NLGN1: variants seen among roughly 807,000 people sequenced by gnomAD.
NLGN1 encodes neuroligin 1.
A neutral mutation model predicts 65.5 loss-of-function variants in NLGN1; 12 were observed. That is an observed-to-expected ratio of 0.18 (90% confidence interval 0.12 to 0.30). The LOEUF is 0.30. Among genes scored for constraint, NLGN1 ranks in the 10% least tolerant of loss-of-function variants. The probability of loss-of-function intolerance (pLI) is 1.00; values close to 1 mark genes in which losing one functional copy is unlikely to be tolerated. For synonymous variants in NLGN1, 350 were observed against 359.5 expected, an observed-to-expected ratio of 0.97 and a Z score of 0.30; for missense variants, 750 against 1,007.1, an observed-to-expected ratio of 0.74 and a Z score of 3.46.
intron 4 of NLGN1, among the ~76,000 whole-genome samples, chr3:173,919,331 CTGT>C (rs1741458057): frequency 6.6e-6 from 1 of 152,154 alleles, no homozygotes; most frequent in African/African-American, 2.4e-5. Flanking sequence ...TTCAAGTTTA[CTGT>C]TGTTCATATT....
At chr3:173,771,342 T>C (rs780115230) in intron 3 of NLGN1, among the ~76,000 whole-genome samples, 3 of 152,216 alleles carry the variant, frequency 2.0e-5, no homozygotes, top group Non-Finnish European at 4.4e-5. Flanking sequence ...GTATTATTTT[T>C]GTGACTCATC....
At chr3:173,654,699 A>G (rs1280301330) in intron 3 of NLGN1, among the ~76,000 whole-genome samples, 1 of 152,198 alleles carries the variant, frequency 6.6e-6, no homozygotes, top group Admixed American at 6.5e-5. Flanking sequence ...TTGAAGAATT[A>G]TGTATACATT....
At chr3:174,228,500 T>C (rs960809841) in intron 4 of NLGN1, among the ~76,000 whole-genome samples, 1 of 152,134 alleles carries the variant, frequency 6.6e-6, no homozygotes, top group Non-Finnish European at 1.5e-5. Context: ...ATCAGTGTAT[T>C]TTCTGTACTG....
chr3:174,281,721 T>G (rs1385574948), exon 7 of NLGN1: 1 of 164,086 alleles, frequency 6.1e-6, no homozygotes, highest in African/African-American at 2.4e-5. Flanking sequence ...TTGGAGCCGT[T>G]TTATTGTGTA....
At chr3:173,680,663 A>G (rs1577918374) in intron 3 of NLGN1, among the ~76,000 whole-genome samples, 1 of 152,202 alleles carries the variant, frequency 6.6e-6, no homozygotes, top group Admixed American at 6.5e-5. Flanking sequence ...GACAATGATG[A>G]TATTTCTGCA....
At chr3:173,545,569 C>CCCCA (rs1346998535) in intron 2 of NLGN1, among the ~76,000 whole-genome samples, 1 of 151,964 alleles carries the variant, frequency 6.6e-6, no homozygotes, top group Non-Finnish European at 1.5e-5. Context: ...AGGGTAATGG[C>CCCCA]CCCACCATCC....
rs1781457228 is a variant in NLGN1, at chr3:173,783,262, G to A, written c.494-24418G>A. Among the ~76,000 whole-genome samples, 3 of 152,136 alleles carry A rather than the reference G, an allele frequency of 2.0e-5. No individual in the cohort carries two copies. The South Asian group carries it at 6.2e-4, about 32-fold the overall frequency. ...ATTAAAAAGAGACCATTACATTTGA[G>A]AAAAACATTCAAAAATCCATAGTTG... On this transcript the variant is annotated intron_variant, in intron 3 of 6. Coordinates refer to ENST00000457714, the Ensembl canonical transcript of NLGN1.
intron 2 of NLGN1, among the ~76,000 whole-genome samples, chr3:173,563,670 T>G (rs1743151570): frequency 6.6e-6 from 1 of 152,056 alleles, no homozygotes; most frequent in Non-Finnish European, 1.5e-5. Flanking sequence ...TTAGAGTCAT[T>G]CTTGGGTCAT....
intron 4 of NLGN1, among the ~76,000 whole-genome samples, chr3:174,060,419 A>G (rs894815864): frequency 1.3e-5 from 2 of 152,004 alleles, no homozygotes; most frequent in Non-Finnish European, 2.9e-5. Context: ...AAACTGTGAA[A>G]AGAAGAACCA....
chr3:173,917,966 G>C (rs535211848), intron 4 of NLGN1, among the ~76,000 whole-genome samples: 105 of 152,046 alleles, frequency 6.9e-4, no homozygotes, highest in Non-Finnish European at 1.4e-3. Context: ...TTGTCCATTT[G>C]TAAGTTAAAC....
At chr3:173,999,536 A>G (rs561685841) in intron 4 of NLGN1, among the ~76,000 whole-genome samples, 2 of 152,300 alleles carry the variant, frequency 1.3e-5, no homozygotes, top group East Asian at 1.9e-4. Context: ...GACTTAGATG[A>G]TACAAATAAT....
At chr3:173,836,205 A>G (rs950802734) in intron 4 of NLGN1, among the ~76,000 whole-genome samples, 3 of 152,306 alleles carry the variant, frequency 2.0e-5, no homozygotes, top group South Asian at 4.1e-4. Context: ...CCCTAACTTT[A>G]TGATGCCTAG....
At chr3:173,975,104 T>C (rs1470831052) in intron 4 of NLGN1, among the ~76,000 whole-genome samples, 1 of 152,042 alleles carries the variant, frequency 6.6e-6, no homozygotes, top group Non-Finnish European at 1.5e-5. Context: ...ATCGTGGAAA[T>C]GGATTGTAAC....
chr3:173,996,446 C>T (rs374942236), intron 4 of NLGN1, among the ~76,000 whole-genome samples: 8 of 152,070 alleles, frequency 5.3e-5, no homozygotes, highest in African/African-American at 1.9e-4. Flanking sequence ...CAGTAAGTTA[C>T]GATTTGGTGC....
intron 3 of NLGN1, among the ~76,000 whole-genome samples, chr3:173,728,601 A>T (rs969145462): frequency 6.6e-6 from 1 of 152,116 alleles, no homozygotes; most frequent in African/African-American, 2.4e-5. Flanking sequence ...CTTAGTTCAG[A>T]TGAGTCATGC....
chr3:173,933,437 G>A (rs996526633), intron 4 of NLGN1, among the ~76,000 whole-genome samples: 2 of 152,152 alleles, frequency 1.3e-5, no homozygotes, highest in African/African-American at 2.4e-5. Context: ...GACTACAGAT[G>A]GGGATTCTAG....
chr3:173,583,389 G>A (rs1746705016), intron 2 of NLGN1, among the ~76,000 whole-genome samples: 1 of 152,154 alleles, frequency 6.6e-6, no homozygotes. Flanking sequence ...AGTGTTAATA[G>A]ATAAATTAGC....
At chr3:173,581,706 A>G (rs1365151842) in intron 2 of NLGN1, among the ~76,000 whole-genome samples, 1 of 152,002 alleles carries the variant, frequency 6.6e-6, no homozygotes, top group Non-Finnish European at 1.5e-5. Flanking sequence ...AAAAATCTCC[A>G]TATAAAAAGC....
chr3:173,424,638 G>A (rs936340070), intron 1 of NLGN1, among the ~76,000 whole-genome samples: 1 of 152,178 alleles, frequency 6.6e-6, no homozygotes, highest in Non-Finnish European at 1.5e-5. Context: ...AATACCGCCA[G>A]TCTCTTTGCT....
Sources: allele counts gnomAD v4.1 joint callset (sites outside exome capture counted in the v4.1 genomes callset), GRCh38; gene constraint gnomAD v4.1.1; transcripts MANE v1.5; gene names NCBI Gene and HGNC (gene_info 2026-07-23, HGNC 2026-07-21).